The following LRRC8D variants were observed in gnomAD, a reference collection of about 807,000 sequenced individuals.
LRRC8D encodes volume-regulated anion channel subunit LRRC8D.
A neutral mutation model predicts 55.8 loss-of-function variants in LRRC8D; 20 were observed. The ratio of observed to expected loss-of-function variants is 0.36; its 90% CI spans 0.25 to 0.52. The LOEUF (loss-of-function observed/expected upper bound fraction) is 0.52. LRRC8D is among the 20% of genes least tolerant of loss of function. The pLI, the probability that LRRC8D is intolerant of heterozygous loss-of-function variation, is 0.93. For synonymous variants in LRRC8D, 352 were observed against 377.0 expected (o/e 0.93, Z 0.77); for missense variants, 651 against 1,030.8 (o/e 0.63, Z 5.05).
chr1:89,889,494 A>G (rs774947731), intron 2 of LRRC8D, among the ~76,000 whole-genome samples: 1 of 151,836 alleles, frequency 6.6e-6, no homozygotes. Context: ...AATGTATGAT[A>G]TTATTAATGG....
intron 2 of LRRC8D, among the ~76,000 whole-genome samples, chr1:89,875,941 T>C (rs1312154861): frequency 2.0e-5 from 3 of 152,234 alleles, no homozygotes; most frequent in African/African-American, 7.2e-5. Context: ...TTAAAGGTTC[T>C]TAGTGCCACC....
intron 2 of LRRC8D, among the ~76,000 whole-genome samples, chr1:89,863,197 AGTT>A (rs945783042): frequency 2.0e-5 from 3 of 152,180 alleles, no homozygotes; most frequent in Non-Finnish European, 2.9e-5. Flanking sequence ...TGCCTTATAT[AGTT>A]GTTATGAGGA....
In LRRC8D at chr1:89,863,387, A is replaced by G. The variant is rs72965679; in HGVS notation, c.-3+19605A>G. ...AGATCACGCAGTACACAAGTGGGTA[A>G]TGGGCTGAGCTGTGTGTTGAAGCAG... On this transcript the variant is annotated intron_variant, in intron 2 of 2. Transcript: ENST00000337338. 1.0e-2 allele frequency among the ~76,000 whole-genome samples: 1,521 copies of G among 152,274 alleles called. 18 individuals carry two copies. Among genetic ancestry groups the G allele is most frequent in the African/African-American group, 0.035 (1,453 of 41,548 alleles).
chr1:89,884,455 A>T (rs1662363912), intron 2 of LRRC8D, among the ~76,000 whole-genome samples: 1 of 152,244 alleles, frequency 6.6e-6, no homozygotes, highest in Non-Finnish European at 1.5e-5. Flanking sequence ...GTTACACTCT[A>T]ACTAATGAAA....
chr1:89,843,851 C>T, intron 2 of LRRC8D, 69 bp downstream of exon 2: 3 of 583,006 alleles, frequency 5.1e-6, no homozygotes, highest in Non-Finnish European at 9.3e-6. Flanking sequence ...CTGCTAGTGT[C>T]GGATCTGCAT....
chr1:89,856,092 A>G (rs527726969), intron 2 of LRRC8D, among the ~76,000 whole-genome samples: 24 of 152,188 alleles, frequency 1.6e-4, no homozygotes, highest in Admixed American at 1.1e-3. Context: ...TTTTCAAGAT[A>G]TATTTGATGA....
chr1:89,933,802 G>T lies in LRRC8D; in HGVS notation c.734G>T (p.Gly245Val). 6.2e-7 allele frequency: 1 copy of T among 1,614,114 alleles called. No individual in the cohort carries two copies. The highest frequency in any genetic ancestry group is 8.5e-7 in the Non-Finnish European group (1 of 1,180,016). ...CATGTTTCTACCAGCAGTGATGAAG[G>T]GAGCCCCAGTGCCAGTACACCAATG... ...PKHVSTSSDE[G>V]SPSASTPMIN... Residue 245 changes from glycine to valine, a missense_variant, in exon 3 of 3, where the codon GGG (glycine) becomes GTG (valine). By Grantham distance (109) the Gly-to-Val change is moderately radical. This residue lies in a region of LRRC8D where 178 missense variants were observed against 374.9 expected (regional missense o/e 0.47). Transcript: ENST00000337338. This position sits in a 1 kb window ranked among gnomAD's most constrained non-coding sequence, Gnocchi z 7.0.
At chr1:89,914,740 T>A (rs7534789) in intron 2 of LRRC8D, among the ~76,000 whole-genome samples, 19 of 152,012 alleles carry the variant, frequency 1.2e-4, no homozygotes, top group Admixed American at 8.5e-4. Context: ...ATTGTCTTTT[T>A]AAAAATTTTT....
intron 2 of LRRC8D, among the ~76,000 whole-genome samples, chr1:89,882,322 C>T (rs946046566): frequency 6.6e-6 from 1 of 152,230 alleles, no homozygotes; most frequent in African/African-American, 2.4e-5. Context: ...TTGCTTCCTA[C>T]CATTCATTTG....
At position 89,848,014 on chromosome 1, in the gene LRRC8D, G is replaced by GA. The variant is rs577404505; in HGVS notation, c.-3+4237dup. 5.3e-5 allele frequency among the ~76,000 whole-genome samples: 8 copies of GA among 152,292 alleles called. No individual in the cohort carries two copies. In the South Asian group the frequency reaches 1.7e-3, roughly 32 times the overall value. On this transcript the variant is annotated intron_variant, in intron 2 of 2. Transcript: ENST00000337338. ...AGACTGAAAATGCTGAAATGGTGATGAAAAATGCATAATATGTTAGCCATC... is the reference window on the plus strand; with the variant it reads ...AGACTGAAAATGCTGAAATGGTGATGAAAAAATGCATAATATGTTAGCCATC...
Position 89,935,128 on chromosome 1 carries a change from G to C in LRRC8D, c.2060G>C (p.Cys687Ser). ...ISFQHLKRLT[C>S]LKLWHNKIVT... is the part of the protein sequence containing the mutation. The stretch of plus-strand genomic sequence containing the variant: ...TTCCAGCATTTAAAACGACTGACTT[G>C]TTTAAAATTATGGCATAACAAAATT... The change falls in exon 3 of 3, where the codon TGT (cysteine) becomes TCT (serine). Residue 687 changes from cysteine to serine, a missense_variant. Coordinates refer to ENST00000337338, the MANE Select transcript of LRRC8D (RefSeq NM_001134479.2). 6.2e-7 allele frequency: 1 copy of C among 1,614,176 alleles called. No individual in the cohort carries two copies. The highest frequency in any genetic ancestry group is 1.1e-5 in the South Asian group (1 of 91,078).
intron 2 of LRRC8D, among the ~76,000 whole-genome samples, chr1:89,905,890 A>G (rs1230921438): frequency 6.6e-6 from 1 of 152,180 alleles, no homozygotes; most frequent in Admixed American, 6.5e-5. Flanking sequence ...ATGTAACATG[A>G]AGAGAGTGAG....
intron 2 of LRRC8D, among the ~76,000 whole-genome samples, chr1:89,876,728 A>G (rs1165062967): frequency 6.6e-6 from 1 of 152,216 alleles, no homozygotes; most frequent in African/African-American, 2.4e-5. Context: ...TCATTGGTTT[A>G]TGCATTGTCT....
At chr1:89,836,407 T>C (rs1371263359) in intron 1 of LRRC8D, among the ~76,000 whole-genome samples, 1 of 152,260 alleles carries the variant, frequency 6.6e-6, no homozygotes, top group South Asian at 2.1e-4. Flanking sequence ...TCCTGCCATG[T>C]GTTTGCAAAC....
At chr1:89,875,546 A>ACT (rs1312849423) in intron 2 of LRRC8D, among the ~76,000 whole-genome samples, 1 of 152,194 alleles carries the variant, frequency 6.6e-6, no homozygotes, top group Non-Finnish European at 1.5e-5. Flanking sequence ...TAAGCAAGAT[A>ACT]AAGAGATAGG....
chr1:89,840,518 C>T (rs993864475), intron 1 of LRRC8D, among the ~76,000 whole-genome samples: 1 of 152,204 alleles, frequency 6.6e-6, no homozygotes, highest in Non-Finnish European at 1.5e-5. Flanking sequence ...CAGCTGGCCA[C>T]TGCTCTGGAG....
intron 2 of LRRC8D, among the ~76,000 whole-genome samples, chr1:89,868,766 T>C (rs932516967): frequency 1.3e-5 from 2 of 152,172 alleles, no homozygotes; most frequent in Non-Finnish European, 2.9e-5. Context: ...TACCGGAGGA[T>C]TCTAGGCTTC....
At chr1:89,927,070 C>A (rs1016787086) in intron 2 of LRRC8D, among the ~76,000 whole-genome samples, 1 of 152,244 alleles carries the variant, frequency 6.6e-6, no homozygotes, top group Admixed American at 6.5e-5. Flanking sequence ...TCTGCACCTT[C>A]TTTTCTATGG....
At chr1:89,870,603 C>G (rs376407707) in intron 2 of LRRC8D, among the ~76,000 whole-genome samples, 6 of 152,210 alleles carry the variant, frequency 3.9e-5, no homozygotes, top group East Asian at 1.9e-4. Flanking sequence ...AAAATTTTCT[C>G]TTAAGTTGGT....
Sources: allele counts gnomAD v4.1 joint callset (sites outside exome capture counted in the v4.1 genomes callset), GRCh38; gene constraint gnomAD v4.1.1; regional missense constraint gnomAD v4.1.1; non-coding constraint Gnocchi (gnomAD v3.1); transcripts MANE v1.5; gene names NCBI Gene and HGNC (gene_info 2026-07-23, HGNC 2026-07-21).